EYA1: variants seen among roughly 807,000 people sequenced by gnomAD.
The protein encoded by EYA1 is protein phosphatase EYA1.
A neutral mutation model predicts 82.0 loss-of-function variants in EYA1; 16 were observed. That is an observed-to-expected ratio of 0.20 (90% confidence interval 0.13 to 0.30). EYA1 has a LOEUF of 0.30. Ranked by LOEUF, EYA1 falls within the 10% of genes least tolerant of loss-of-function variation. The probability of loss-of-function intolerance (pLI) is 1.00; values close to 1 mark genes in which losing one functional copy is unlikely to be tolerated. For missense variants in EYA1, 633 were observed against 730.7 expected (o/e 0.87, Z 1.54); for synonymous variants, 261 against 264.4 (o/e 0.99, Z 0.12).
intron 2 of EYA1, among the ~76,000 whole-genome samples, chr8:71,402,703 C>G (rs994365927): frequency 6.6e-6 from 1 of 151,970 alleles, no homozygotes; most frequent in Non-Finnish European, 1.5e-5. Flanking sequence ...ACAGATAATA[C>G]AAGTTATTAT....
intron 12 of EYA1, among the ~76,000 whole-genome samples, chr8:71,224,926 T>C (rs1361490314): frequency 6.6e-6 from 1 of 152,238 alleles, no homozygotes; most frequent in Non-Finnish European, 1.5e-5. Context: ...TTAGAAGTTC[T>C]ACAGAGGGAG....
intron 11 of EYA1, among the ~76,000 whole-genome samples, chr8:71,264,765 T>C (rs1328105421): frequency 6.6e-6 from 1 of 151,850 alleles, no homozygotes; most frequent in Admixed American, 6.6e-5. Flanking sequence ...TTTTTTTTTG[T>C]AGCGATGGAC....
At chr8:71,356,985 C>T (rs1826951301) in intron 1 of EYA1, among the ~76,000 whole-genome samples, 1 of 152,240 alleles carries the variant, frequency 6.6e-6, no homozygotes, top group Non-Finnish European at 1.5e-5. Flanking sequence ...ACCCCTTTGA[C>T]TCCTGACAGT....
chr8:71,246,234 C>A lies in EYA1; in HGVS notation c.1051-1542G>T, dbSNP rs982486598. ...CCAAAGAACAATAATTTATGATATA[C>A]TATTTTATTGTCACGGCAAACCTTT... On this transcript the variant is annotated intron_variant, in intron 11 of 17. Coordinates refer to ENST00000340726, the MANE Select transcript of EYA1 (RefSeq NM_000503.6). Among the ~76,000 whole-genome samples, 3 of 152,142 alleles carry A rather than the reference C, an allele frequency of 2.0e-5. No individual in the cohort carries two copies. In the South Asian group the frequency reaches 6.2e-4, roughly 32 times the overall value.
Position 71,334,142 on chromosome 8 carries a change from C to A in EYA1, c.157G>T (p.Ala53Ser). 6 of 1,613,676 alleles carry A rather than the reference C, an allele frequency of 3.7e-6. No individual in the cohort carries two copies. The highest frequency in any genetic ancestry group is 5.1e-6 in the Non-Finnish European group (6 of 1,179,696). The change falls in exon 4 of 18, where the codon GCT becomes TCT. Residue 53 changes from alanine to serine, a missense_variant. By Grantham distance (99) the Ala-to-Ser change is moderately conservative. Coordinates refer to ENST00000340726, the MANE Select transcript of EYA1 (RefSeq NM_000503.6). ...AAAGACCCGTCGGCTGTCGTTGAAG[C>A]TGTTTCACTGCTGCTCATTGGCTCT... Reference protein sequence around the residue: ...KTEPMSSSETASTTADGSLNN... With the variant: ...KTEPMSSSETSSTTADGSLNN...
chr8:71,251,333 T>C (rs540106003), intron 11 of EYA1, among the ~76,000 whole-genome samples: 8 of 152,364 alleles, frequency 5.3e-5, no homozygotes, highest in East Asian at 1.9e-4. Context: ...ACATTTACTA[T>C]AGTTCTTATG....
intron 9 of EYA1, among the ~76,000 whole-genome samples, chr8:71,282,305 C>T (rs1253646796): frequency 6.6e-6 from 1 of 152,210 alleles, no homozygotes; most frequent in Non-Finnish European, 1.5e-5. Context: ...GCATCTTCCA[C>T]TTCCTCTAGA....
At chr8:71,441,062 C>T (rs1010817610) in intron 2 of EYA1, among the ~76,000 whole-genome samples, 2 of 151,924 alleles carry the variant, frequency 1.3e-5, no homozygotes, top group African/African-American at 4.8e-5. Context: ...AGTATATGTG[C>T]ACAAAGGAAT....
At chr8:71,400,559 A>G (rs1829900641) in intron 2 of EYA1, among the ~76,000 whole-genome samples, 1 of 152,244 alleles carries the variant, frequency 6.6e-6, no homozygotes, top group South Asian at 2.1e-4. Flanking sequence ...TGATCATTTA[A>G]GAAATGCAAA....
intron 2 of EYA1, among the ~76,000 whole-genome samples, chr8:71,443,748 C>G (rs1806613098): frequency 6.6e-6 from 1 of 152,198 alleles, no homozygotes; most frequent in South Asian, 2.1e-4. Flanking sequence ...AATGATATTA[C>G]TGTAAGCCCA....
intron 7 of EYA1, among the ~76,000 whole-genome samples, 187 bp from the exon 8 acceptor site, chr8:71,299,907 A>G (rs1359354012): frequency 6.6e-6 from 1 of 152,226 alleles, no homozygotes; most frequent in Non-Finnish European, 1.5e-5. Flanking sequence ...AAATTAAAAA[A>G]CAAAGAGGTT....
intron 9 of EYA1, among the ~76,000 whole-genome samples, chr8:71,292,536 C>T (rs1255840432): frequency 6.6e-6 from 1 of 151,994 alleles, no homozygotes; most frequent in Non-Finnish European, 1.5e-5. Context: ...CCCTTCTACT[C>T]ATAAATTACA....
At chr8:71,403,087 CTATATAGA>C (rs1830042218) in intron 2 of EYA1, among the ~76,000 whole-genome samples, 1 of 152,092 alleles carries the variant, frequency 6.6e-6, no homozygotes, top group Admixed American at 6.5e-5. Flanking sequence ...ATAGAATTGA[CTATATAGA>C]TATTTTAAAC....
chr8:71,326,225 C>A (rs537567299), intron 4 of EYA1, among the ~76,000 whole-genome samples: 2 of 152,158 alleles, frequency 1.3e-5, no homozygotes, highest in African/African-American at 2.4e-5. Flanking sequence ...AAAGAACTCT[C>A]GAAATTGGCA....
At chr8:71,418,719 A>G (rs1370242853) in intron 2 of EYA1, among the ~76,000 whole-genome samples, 1 of 152,184 alleles carries the variant, frequency 6.6e-6, no homozygotes, top group African/African-American at 2.4e-5. Context: ...GGTGTTGGGG[A>G]TCTTCTGGCA....
intron 17 of EYA1, among the ~76,000 whole-genome samples, chr8:71,208,724 A>G (rs552134570): frequency 6.1e-4 from 73 of 120,260 alleles, no homozygotes; most frequent in Admixed American, 9.9e-4. Context: ...AACTTAAAGT[A>G]TAATAAAAAA....
rs138509009 is a variant in EYA1 at position 71,331,489 on chromosome 8, T to TATATATATA, written c.202+2607_202+2608insTATATATAT. On this transcript the variant is annotated intron_variant, in intron 4 of 17. Transcript: ENST00000340726. ...ATTACTTTTTAAAAGTATAAATGTT[T>TATATATATA]TATATATATATATACACATATATAT... Among the ~76,000 whole-genome samples, 18 of 146,856 alleles carry TATATATATA rather than the reference T, an allele frequency of 1.2e-4. No individual in the cohort carries two copies. The South Asian group carries it at 3.0e-3, about 24-fold the overall frequency.
intron 12 of EYA1, among the ~76,000 whole-genome samples, chr8:71,224,007 T>C (rs899150368): frequency 2.0e-5 from 3 of 152,188 alleles, no homozygotes; most frequent in Non-Finnish European, 4.4e-5. Flanking sequence ...ATGAGTCTTA[T>C]TATCTGTGCC....
chr8:71,444,943 G>C (rs571127703), intron 2 of EYA1, among the ~76,000 whole-genome samples: 1 of 152,114 alleles, frequency 6.6e-6, no homozygotes, highest in Non-Finnish European at 1.5e-5. Context: ...TTTTCCAACA[G>C]CTAGAGATGT....
Sources: gnomAD v4.1 joint callset for allele counts (sites outside exome capture counted in the v4.1 genomes callset) on GRCh38, gnomAD v4.1.1 for gene constraint, MANE v1.5 for transcripts, NCBI Gene and HGNC (gene_info 2026-07-23, HGNC 2026-07-21) for gene names.